Variants in SLCO5A1 observed in about 807,000 individuals in gnomAD.
SLCO5A1 encodes solute carrier organic anion transporter family member 5A1.
SLCO5A1 carries 39 observed loss-of-function variants against 65.1 expected under a neutral mutation model. The ratio of observed to expected loss-of-function variants is 0.60; its 90% CI spans 0.46 to 0.78. SLCO5A1 has a LOEUF of 0.78. Ranked by LOEUF, SLCO5A1 falls within the 30% of genes least tolerant of loss-of-function variation. The probability of loss-of-function intolerance (pLI) is 0.00; values close to 1 mark genes in which losing one functional copy is unlikely to be tolerated. For synonymous variants in SLCO5A1, 438 were observed against 415.7 expected (o/e 1.05, Z -0.65); for missense variants, 1,029 against 1,069.4 (o/e 0.96, Z 0.53).
chr8:69,669,474 G>A lies in SLCO5A1; in HGVS notation c.*3395C>T, dbSNP rs1813269494. ...TTTACCATTCTGTATGATCCTAAAT[G>A]AGTTATTTTACTTCTCTGAGTCTTG... is the stretch of plus-strand genomic sequence containing the variant. On this transcript the variant is annotated 3_prime_UTR_variant, in exon 10 of 10. Coordinates refer to ENST00000260126, the MANE Select transcript of SLCO5A1 (RefSeq NM_030958.3). The A allele has an allele frequency of 6.6e-6, 1 of 152,062 alleles. No homozygotes were observed. The highest frequency in any genetic ancestry group is 2.1e-4 in the South Asian group (1 of 4,826). The allele number at this position is 152,062 out of a possible 1,614,324, so 9.4% of individuals were successfully genotyped here.
chr8:69,827,263 A>T (rs1461991311), intron 2 of SLCO5A1, among the ~76,000 whole-genome samples: 1 of 152,002 alleles, frequency 6.6e-6, no homozygotes, highest in Admixed American at 6.6e-5. Flanking sequence ...TAACCTGCAC[A>T]TTGTGCACAT....
intron 5 of SLCO5A1, among the ~76,000 whole-genome samples, chr8:69,734,219 C>T (rs964759094): frequency 6.6e-6 from 1 of 152,170 alleles, no homozygotes; most frequent in African/African-American, 2.4e-5. Flanking sequence ...GCCTTTGGAG[C>T]TCTATTTCTG....
At chr8:69,739,784 G>A (rs564240809) in intron 4 of SLCO5A1, among the ~76,000 whole-genome samples, 3 of 152,020 alleles carry the variant, frequency 2.0e-5, no homozygotes, top group East Asian at 1.9e-4. Flanking sequence ...AACATAAAGT[G>A]CTTCATAAAA....
At chr8:69,735,745 T>C (rs549542916) in intron 5 of SLCO5A1, among the ~76,000 whole-genome samples, 8 of 152,170 alleles carry the variant, frequency 5.3e-5, no homozygotes, top group Non-Finnish European at 8.8e-5. Flanking sequence ...GATGGGTTGG[T>C]AGGTGCAGCA....
rs765328168 is a variant in SLCO5A1 at position 69,831,990 on chromosome 8, G to C, written c.684C>G (p.Asn228Lys). 1.9e-6 allele frequency: 3 copies of C among 1,595,262 alleles called. No individual in the cohort carries two copies. The Admixed American group carries it at 5.2e-5, about 28-fold the overall frequency. ...ISPPYQIQEL[N>K]ASAPNDGLCQ... ...ACAGGCCGTCGTTGGGGGCCGAGGC[G>C]TTCAACTCTTGGATCTGGTAGGGGG... The change falls in exon 2 of 10, where the codon AAC becomes AAG. Residue 228 changes from asparagine (N) to lysine (K), a missense_variant. Asn to Lys is a moderately conservative substitution (Grantham distance 94, BLOSUM62 0). Around this residue, in one of 3 missense-constraint regions of SLCO5A1, gnomAD observed 647 missense variants for 647.5 expected, o/e 1.00. Coordinates refer to ENST00000260126, the MANE Select transcript of SLCO5A1 (RefSeq NM_030958.3).
chr8:69,730,621 A>G (rs538785668), intron 5 of SLCO5A1, among the ~76,000 whole-genome samples: 1 of 152,288 alleles, frequency 6.6e-6, no homozygotes, highest in South Asian at 2.1e-4. Context: ...TAGGGCACTG[A>G]CTCCTAGTCA....
At chr8:69,826,649 G>T (rs1360408507) in intron 2 of SLCO5A1, among the ~76,000 whole-genome samples, 1 of 152,218 alleles carries the variant, frequency 6.6e-6, no homozygotes, top group Non-Finnish European at 1.5e-5. Context: ...TGGAGAGGAT[G>T]TGGAGAAATA....
chr8:69,750,335 G>A (rs1328407980), intron 4 of SLCO5A1, among the ~76,000 whole-genome samples: 1 of 152,062 alleles, frequency 6.6e-6, no homozygotes, highest in Non-Finnish European at 1.5e-5. Flanking sequence ...GGCTCTGTCT[G>A]CAGCTGTCTA....
At chr8:69,761,708 G>A (rs1157399467) in intron 3 of SLCO5A1, 35 bp downstream of exon 3, 1 of 1,602,278 alleles carries the variant, frequency 6.2e-7, no homozygotes, top group Non-Finnish European at 8.5e-7. Flanking sequence ...TTATTAGTAA[G>A]AACTGAAATT....
chr8:69,684,502 CCCA>C (rs1211866762), intron 6 of SLCO5A1, among the ~76,000 whole-genome samples: 1 of 152,162 alleles, frequency 6.6e-6, no homozygotes, highest in Non-Finnish European at 1.5e-5. Context: ...ATAAGACACT[CCCA>C]CCACCACCAT....
intron 9 of SLCO5A1, among the ~76,000 whole-genome samples, chr8:69,673,808 A>C (rs1813436895): frequency 6.6e-6 from 1 of 152,222 alleles, no homozygotes; most frequent in Admixed American, 6.5e-5. Context: ...CAGGAAAAGT[A>C]CGAGAAAAGC....
intron 5 of SLCO5A1, among the ~76,000 whole-genome samples, chr8:69,711,202 TC>T (rs1299473828): frequency 6.6e-6 from 1 of 151,954 alleles, no homozygotes; most frequent in African/African-American, 2.4e-5. Context: ...GAAGTTACGG[TC>T]CTGCCGCTAG....
At chr8:69,726,528 C>T in intron 5 of SLCO5A1, among the ~76,000 whole-genome samples, 2 of 136,798 alleles carry the variant, frequency 1.5e-5, no homozygotes, top group South Asian at 4.9e-4. Flanking sequence ...GGGACAGAGT[C>T]TCACTCTGTT....
chr8:69,770,596 G>T (rs964786283), intron 2 of SLCO5A1, among the ~76,000 whole-genome samples: 20 of 152,052 alleles, frequency 1.3e-4, no homozygotes, highest in African/African-American at 4.8e-4. Flanking sequence ...TGATGGGAAG[G>T]GTTTCTGATC....
chr8:69,687,299 G>A (rs1814043801), intron 6 of SLCO5A1, among the ~76,000 whole-genome samples: 1 of 152,174 alleles, frequency 6.6e-6, no homozygotes. Context: ...ACACGAAGGA[G>A]AGTAAGACTA....
intron 6 of SLCO5A1, among the ~76,000 whole-genome samples, chr8:69,704,424 A>G (rs1214291437): frequency 6.6e-6 from 1 of 152,250 alleles, no homozygotes; most frequent in Admixed American, 6.5e-5. Context: ...TGTTACTACC[A>G]GTACTGAAAG....
At chr8:69,692,622 T>C (rs1814317120) in intron 6 of SLCO5A1, among the ~76,000 whole-genome samples, 1 of 151,928 alleles carries the variant, frequency 6.6e-6, no homozygotes, top group Admixed American at 6.5e-5. Context: ...CCTTATTCTA[T>C]AAACTGTTTT....
Position 69,725,635 on chromosome 8 carries a change from T to C in SLCO5A1, c.1423+12405A>G, listed in dbSNP as rs577125782. ...GTAAGTCGTGGGGGATGGTGGGATG[T>C]TTGTTAGTTGCCCTTTAGTGAAACA... On this transcript the variant is annotated intron_variant, in intron 5 of 9. Coordinates refer to ENST00000260126, the MANE Select transcript of SLCO5A1 (RefSeq NM_030958.3). 2.0e-5 allele frequency among the ~76,000 whole-genome samples: 3 copies of C among 152,272 alleles called. No homozygotes were observed. The East Asian group carries it at 5.8e-4, about 29-fold the overall frequency.
intron 6 of SLCO5A1, among the ~76,000 whole-genome samples, chr8:69,696,489 A>G (rs1343602214): frequency 6.6e-6 from 1 of 152,228 alleles, no homozygotes; most frequent in Non-Finnish European, 1.5e-5. Flanking sequence ...TGTATCAGTG[A>G]GCCCTTCCAT....
Sources: gnomAD v4.1 joint callset for allele counts (sites outside exome capture counted in the v4.1 genomes callset) on GRCh38, gnomAD v4.1.1 for gene constraint, gnomAD v4.1.1 regional missense constraint, MANE v1.5 for transcripts, NCBI Gene and HGNC (gene_info 2026-07-23, HGNC 2026-07-21) for gene names.